Variants in ATP2C1 observed in about 807,000 individuals in gnomAD.
ATP2C1 encodes ATPase secretory pathway Ca2+ transporting 1.
In ATP2C1, 31 loss-of-function variants were observed where a neutral mutation model predicts 120.5. The ratio of observed to expected loss-of-function variants is 0.26; its 90% CI spans 0.19 to 0.35. ATP2C1 has a LOEUF of 0.35. Among genes scored for constraint, ATP2C1 ranks in the 10% least tolerant of loss-of-function variants. ATP2C1 has a pLI of 1.00. For synonymous variants in ATP2C1, 351 were observed against 358.7 expected (o/e 0.98, Z 0.24); for missense variants, 731 against 1,107.5 (o/e 0.66, Z 4.83).
chr3:130,876,856 G>T (rs74811961), intron 1 of ATP2C1, among the ~76,000 whole-genome samples: 15,279 of 151,866 alleles, frequency 0.1, 876 homozygotes, highest in Non-Finnish European at 0.13. Context: ...ATTACTAGGG[G>T]TTTTTTGTAG....
At chr3:130,955,861 G>T (rs1053818989) in intron 10 of ATP2C1, 1 of 410,152 alleles carries the variant, frequency 2.4e-6, no homozygotes, top group African/African-American at 2.0e-5. Flanking sequence ...TAGAGAGAAC[G>T]GACCTTTTCA....
At chr3:130,924,617 C>T (rs993971080) in intron 2 of ATP2C1, among the ~76,000 whole-genome samples, 5 of 152,178 alleles carry the variant, frequency 3.3e-5, no homozygotes, top group Non-Finnish European at 5.9e-5. Context: ...GTCTAGATCT[C>T]TAGCAAGACC....
chr3:130,898,333 A>G (rs925553238), intron 2 of ATP2C1, among the ~76,000 whole-genome samples: 31 of 152,172 alleles, frequency 2.0e-4, no homozygotes, highest in South Asian at 4.1e-4. Context: ...TTCAATTTCA[A>G]ATTGTTAATC....
intron 11 of ATP2C1, among the ~76,000 whole-genome samples, chr3:130,956,884 C>G (rs1276999278): frequency 1.3e-5 from 2 of 151,894 alleles, no homozygotes; most frequent in East Asian, 3.9e-4. Flanking sequence ...TTCTTTTGTC[C>G]CTTTTCTTGT....
At chr3:130,990,310 A>C (rs218483) in intron 20 of ATP2C1, among the ~76,000 whole-genome samples, 3 of 140,040 alleles carry the variant, frequency 2.1e-5, no homozygotes, top group African/African-American at 7.9e-5. Context: ...TTTGAATGAT[A>C]AGAGAGGGAG....
At chr3:131,013,175 G>A (rs1393942481) in intron 26 of ATP2C1, among the ~76,000 whole-genome samples, 1 of 152,144 alleles carries the variant, frequency 6.6e-6, no homozygotes, top group African/African-American at 2.4e-5. Flanking sequence ...AGAACTCTGG[G>A]TATTTCTAAT....
rs1188966963 is a variant in ATP2C1 at position 130,953,959 on chromosome 3, A to C, written c.670A>C (p.Arg224=). The C allele has an allele frequency of 1.3e-5, 21 of 1,613,970 alleles. No individual in the cohort carries two copies. The highest frequency in any genetic ancestry group is 1.8e-5 in the Non-Finnish European group (21 of 1,179,962). Residue 224 remains arginine (R), a synonymous_variant, in exon 9 of 28, where the codon AGA becomes CGA. Transcript: ENST00000510168. ...SNIAFMGTLV[R]CGKAKGVVIG... ...CATTGCCTTTATGGGAACACTGGTC[A>C]GATGTGGCAAAGCAAAGGTAAATTT... is the stretch of plus-strand genomic sequence containing the variant.
chr3:130,855,561 G>A (rs1483551082), intron 1 of ATP2C1, among the ~76,000 whole-genome samples: 1 of 152,174 alleles, frequency 6.6e-6, no homozygotes, highest in African/African-American at 2.4e-5. Flanking sequence ...CAAACTAAGA[G>A]ATTTGCCCAA....
At chr3:130,979,474 T>C (rs2061662933) in intron 19 of ATP2C1, 55 bp downstream of exon 19, 2 of 1,543,704 alleles carry the variant, frequency 1.3e-6, no homozygotes, top group African/African-American at 2.7e-5. Context: ...AATACTGTGG[T>C]GCATAATTTT....
chr3:130,879,542 C>CT (rs2068717264), intron 1 of ATP2C1, among the ~76,000 whole-genome samples: 1 of 152,006 alleles, frequency 6.6e-6, no homozygotes, highest in Non-Finnish European at 1.5e-5. Flanking sequence ...CATGCATTTC[C>CT]TTTTTTGGTA....
chr3:130,970,549 T>A (rs1262329571), intron 17 of ATP2C1, among the ~76,000 whole-genome samples: 5 of 151,974 alleles, frequency 3.3e-5, no homozygotes, highest in African/African-American at 1.2e-4. Flanking sequence ...CGTGCCACCA[T>A]ACCTGGCTAA....
chr3:130,872,040 A>T (rs956233044), intron 1 of ATP2C1, among the ~76,000 whole-genome samples: 1 of 151,978 alleles, frequency 6.6e-6, no homozygotes, highest in African/African-American at 2.4e-5. Context: ...AAAAAAAAAA[A>T]AATCTTTAAG....
chr3:130,965,064 A>C lies in ATP2C1; in HGVS notation c.1122+19A>C, dbSNP rs1334286467. ...TGCTGAGGTACTCTATAGGTTTTTAAAAACAAACAAAAACAGTATCCCTTT... is the reference window on the plus strand; with the variant it reads ...TGCTGAGGTACTCTATAGGTTTTTACAAACAAACAAAAACAGTATCCCTTT... On this transcript the variant is annotated intron_variant, in intron 14 of 27. Coordinates refer to ENST00000510168, the MANE Select transcript of ATP2C1 (RefSeq NM_001378687.1). 2 of 1,516,414 alleles carry C rather than the reference A, an allele frequency of 1.3e-6. No homozygotes were observed. The highest frequency in any genetic ancestry group is 4.5e-5 in the East Asian group (2 of 44,182). The allele number at this position is 1,516,414 out of a possible 1,614,324, so 93.9% of individuals were successfully genotyped here. A position where few individuals can be genotyped will look rare whatever the true frequency, so the allele number is the denominator to read the frequency against.
At chr3:130,972,513 T>G (rs944338071) in intron 17 of ATP2C1, among the ~76,000 whole-genome samples, 2 of 151,600 alleles carry the variant, frequency 1.3e-5, no homozygotes, top group Non-Finnish European at 2.9e-5. Flanking sequence ...AGGGTACATG[T>G]GCACAATGTG....
intron 20 of ATP2C1, among the ~76,000 whole-genome samples, chr3:130,986,785 C>G (rs2062031432): frequency 6.6e-6 from 1 of 152,156 alleles, no homozygotes; most frequent in South Asian, 2.1e-4. Context: ...CCACCCTCAT[C>G]TTGTCTTTTT....
chr3:130,931,851 CTA>C (rs776152579), intron 3 of ATP2C1, among the ~76,000 whole-genome samples, 169 bp from the exon 4 acceptor site: 10 of 152,100 alleles, frequency 6.6e-5, no homozygotes, highest in Non-Finnish European at 1.0e-4. Flanking sequence ...CCCTCCCTCT[CTA>C]TGTGTCACTT....
At chr3:130,902,093 A>G (rs2057860479) in intron 2 of ATP2C1, among the ~76,000 whole-genome samples, 1 of 151,964 alleles carries the variant, frequency 6.6e-6, no homozygotes, top group African/African-American at 2.4e-5. Context: ...TGACTCCTCT[A>G]AGCCTTGGTT....
chr3:131,006,948 G>A (rs1003567221), downstream of ATP2C1, among the ~76,000 whole-genome samples: 2 of 152,108 alleles, frequency 1.3e-5, no homozygotes, highest in African/African-American at 2.4e-5. Flanking sequence ...GATTATAAGC[G>A]TGAGCCATCA....
At chr3:130,922,973 A>G (rs1040944743) in intron 2 of ATP2C1, among the ~76,000 whole-genome samples, 6 of 151,980 alleles carry the variant, frequency 3.9e-5, no homozygotes, top group Admixed American at 1.3e-4. Context: ...TGTTAAGTCT[A>G]TTTGTTGTAG....
Sources: gnomAD v4.1 joint callset for allele counts (sites outside exome capture counted in the v4.1 genomes callset) on GRCh38, gnomAD v4.1.1 for gene constraint, MANE v1.5 for transcripts, NCBI Gene and HGNC (gene_info 2026-07-23, HGNC 2026-07-21) for gene names.